The following MRPL3 variants were observed in gnomAD, a reference collection of about 807,000 sequenced individuals.
MRPL3 encodes the protein large ribosomal subunit protein uL3m.
A neutral mutation model predicts 44.3 loss-of-function variants in MRPL3; 43 were observed. The observed-to-expected ratio is 0.97, with a 90% CI of 0.76 to 1.25. MRPL3 has a LOEUF of 1.25. Among genes scored for constraint, MRPL3 ranks in the 50% most tolerant of loss-of-function variants. The pLI, the probability that MRPL3 is intolerant of heterozygous loss-of-function variation, is 0.00. For synonymous variants in MRPL3, 171 were observed against 152.3 expected (o/e 1.12, Z -0.91); for missense variants, 406 against 427.6 (o/e 0.95, Z 0.45).
At chr3:131,486,897 A>G (rs534305945) in intron 6 of MRPL3, among the ~76,000 whole-genome samples, 1 of 152,320 alleles carries the variant, frequency 6.6e-6, no homozygotes, top group East Asian at 1.9e-4. Context: ...CAGTGTGGCG[A>G]TTCCTCAAGG....
chr3:131,475,693 C>T (rs985466476), intron 6 of MRPL3, among the ~76,000 whole-genome samples: 1 of 152,096 alleles, frequency 6.6e-6, no homozygotes, highest in Non-Finnish European at 1.5e-5. Flanking sequence ...TAAAACATAA[C>T]ACATATTAAA....
intron 9 of MRPL3, among the ~76,000 whole-genome samples, chr3:131,467,236 GCGCGCACACACA>G (rs1380062469): frequency 2.3e-4 from 33 of 143,916 alleles, no homozygotes; most frequent in Non-Finnish European, 4.2e-4. Flanking sequence ...TCAGCCATAC[GCGCGCACACACA>G]CACACATACA....
In MRPL3 at chr3:131,502,784, T is replaced by C. The variant is rs1934527744; in HGVS notation, c.38A>G (p.Gln13Arg). 5 of 1,612,604 alleles carry C rather than the reference T, an allele frequency of 3.1e-6. No homozygotes were observed. The highest frequency in any genetic ancestry group is 2.2e-5 in the East Asian group (1 of 44,826). ...GCCGTCCCCGAGTCGACCCAGCACC[T>C]GGGCGCCGACCTGCGTCAGCAGCCT... ...GWRLLTQVGA[Q>R]VLGRLGDGLG... The change falls in exon 1 of 10, where the codon CAG becomes CGG. Residue 13 changes from glutamine (Q) to arginine (R), a missense_variant. Physicochemically the swap from Gln to Arg is conservative, Grantham distance 43 (BLOSUM62 1). Transcript: ENST00000264995.
chr3:131,484,367 G>C (rs1178604748), intron 6 of MRPL3, among the ~76,000 whole-genome samples: 2 of 152,002 alleles, frequency 1.3e-5, no homozygotes, highest in Non-Finnish European at 2.9e-5. Context: ...ATCAATTTGT[G>C]CTCAACTAAA....
At chr3:131,485,407 CACA>C (rs1386008599) in intron 6 of MRPL3, among the ~76,000 whole-genome samples, 10 of 152,154 alleles carry the variant, frequency 6.6e-5, no homozygotes, top group Non-Finnish European at 1.2e-4. Context: ...ATGGAATTCA[CACA>C]ACATTAACTG....
At chr3:131,466,721 A>C (rs933520545) in intron 9 of MRPL3, among the ~76,000 whole-genome samples, 2 of 151,736 alleles carry the variant, frequency 1.3e-5, no homozygotes, top group Non-Finnish European at 2.9e-5. Context: ...TTTACTTATA[A>C]TTGACACATA....
rs974875364 is a variant in MRPL3, at chr3:131,471,272, T to C, written c.637A>G (p.Lys213Glu). The C allele has an allele frequency of 6.2e-7, 1 of 1,610,236 alleles. No individual in the cohort carries two copies. The highest frequency in any genetic ancestry group is 1.3e-5 in the African/African-American group (1 of 74,806). The stretch of plus-strand genomic sequence containing the variant: ...CTTTTCATGACACCTTGAAAACCTT[T>C]ACCAATACTGAACAAAACAAACGTT... Reference protein sequence around the residue: ...YVDVTAKTIGKGFQGVMKRWG... With the variant: ...YVDVTAKTIGEGFQGVMKRWG... The change falls in exon 7 of 10, where the codon AAA becomes GAA. Residue 213 changes from lysine to glutamate, a missense_variant. Transcript: ENST00000264995.
intron 3 of MRPL3, among the ~76,000 whole-genome samples, chr3:131,498,701 CAAAAA>C (rs71133698): frequency 1.2e-5 from 1 of 81,490 alleles, no homozygotes; most frequent in Non-Finnish European, 2.3e-5. Context: ...GACTCCGTCT[CAAAAA>C]AAAAAAAAAA....
At chr3:131,477,186 C>T (rs577144594) in intron 6 of MRPL3, among the ~76,000 whole-genome samples, 1 of 152,286 alleles carries the variant, frequency 6.6e-6, no homozygotes, top group Non-Finnish European at 1.5e-5. Context: ...TCTGGATATA[C>T]TTGTCTATGG....
chr3:131,502,813 A>G lies in MRPL3; in HGVS notation c.9T>C (p.Gly3=). ...CGCCGACCTGCGTCAGCAGCCTCCA[A>G]CCCGGCATGGATTAGCCCGGGAAGA... The part of the protein sequence containing the change: MP[G]WRLLTQVGAQ... Residue 3 remains glycine (G), a synonymous_variant, in exon 1 of 10, where the codon GGT becomes GGC. Coordinates refer to ENST00000264995, the MANE Select transcript of MRPL3 (RefSeq NM_007208.4). 1 of 1,611,588 alleles carries G rather than the reference A, an allele frequency of 6.2e-7. No individual in the cohort carries two copies. Among genetic ancestry groups the G allele is most frequent in the Non-Finnish European group, 8.5e-7 (1 of 1,179,260 alleles).
chr3:131,477,870 C>T (rs904739387), intron 6 of MRPL3, among the ~76,000 whole-genome samples: 1 of 152,074 alleles, frequency 6.6e-6, no homozygotes, highest in African/African-American at 2.4e-5. Flanking sequence ...CTTAACGTCC[C>T]GCTCCTTTCC....
At chr3:131,495,513 G>T (rs771364411) in intron 4 of MRPL3, among the ~76,000 whole-genome samples, 2 of 152,050 alleles carry the variant, frequency 1.3e-5, no homozygotes, top group South Asian at 2.1e-4. Flanking sequence ...CAAAGTTTAC[G>T]TAAATTAAGT....
At chr3:131,501,844 C>T (rs755182650) in intron 1 of MRPL3, 129 bp from the exon 2 acceptor site, 8 of 1,566,702 alleles carry the variant, frequency 5.1e-6, no homozygotes, top group Non-Finnish European at 6.9e-6. Flanking sequence ...TTCTGTATAC[C>T]TTTTTTTCAG....
At chr3:131,493,017 C>T (rs971865742) in intron 4 of MRPL3, among the ~76,000 whole-genome samples, 2 of 152,176 alleles carry the variant, frequency 1.3e-5, no homozygotes, top group African/African-American at 4.8e-5. Flanking sequence ...GTGAAGAGTG[C>T]CTCTTTCATC....
In MRPL3 at chr3:131,471,031, T is replaced by G. The variant is rs552060604; in HGVS notation, c.738+140A>C. 4.1e-4 allele frequency: 251 copies of G among 619,744 alleles called. No individual in the cohort carries two copies. In the African/African-American group the frequency reaches 4.3e-3, roughly 11 times the overall value. 38.4% of individuals were successfully genotyped at this position (619,744 alleles called of 1,614,324 possible). On this transcript the variant is annotated intron_variant, in intron 7 of 9. Transcript: ENST00000264995. ...CTGGGAAATGAGTGAGGGGCAAGGATCCATAAAAGGGTGACAAGTACATGG... is the reference window on the plus strand; with the variant it reads ...CTGGGAAATGAGTGAGGGGCAAGGAGCCATAAAAGGGTGACAAGTACATGG...
At chr3:131,472,746 C>T (rs1045229967) in intron 6 of MRPL3, among the ~76,000 whole-genome samples, 14 of 151,710 alleles carry the variant, frequency 9.2e-5, no homozygotes, top group Admixed American at 5.3e-4. Flanking sequence ...TTAACATATA[C>T]AAATTGGTAG....
chr3:131,463,155 T>C (rs1933528606), intron 9 of MRPL3, among the ~76,000 whole-genome samples: 1 of 152,190 alleles, frequency 6.6e-6, no homozygotes, highest in Non-Finnish European at 1.5e-5. Context: ...GCCCACAGGA[T>C]GAAATCACAT....
At chr3:131,487,891 T>C in intron 5 of MRPL3, 151 bp from the exon 6 acceptor site, 1 of 615,496 alleles carries the variant, frequency 1.6e-6, no homozygotes, top group Non-Finnish European at 2.8e-6. Flanking sequence ...AACAATGAAA[T>C]TATTCAACAA....
intron 7 of MRPL3, among the ~76,000 whole-genome samples, chr3:131,470,345 A>G (rs1240809960): frequency 6.6e-6 from 1 of 152,168 alleles, no homozygotes; most frequent in Admixed American, 6.6e-5. Flanking sequence ...ATAGTTCTAC[A>G]TCTAAAGAAG....
Sources: allele counts gnomAD v4.1 joint callset (sites outside exome capture counted in the v4.1 genomes callset), GRCh38; gene constraint gnomAD v4.1.1; transcripts MANE v1.5; gene names NCBI Gene and HGNC (gene_info 2026-07-23, HGNC 2026-07-21).